Variants in COIL observed in about 807,000 individuals in gnomAD.
The protein encoded by COIL is coilin p80.
Under a neutral mutation model 51.6 loss-of-function variants are expected in COIL, and 28 were observed. The ratio of observed to expected loss-of-function variants is 0.54; its 90% CI spans 0.40 to 0.74. The LOEUF is 0.74. Ranked by LOEUF, COIL falls within the 30% of genes least tolerant of loss-of-function variation. The pLI is 0.00. For missense variants in COIL, 667 were observed against 685.9 expected (o/e 0.97, Z 0.31); for synonymous variants, 233 against 255.8 (o/e 0.91, Z 0.85).
chr17:56,953,194 A>G (rs11079265), intron 1 of COIL, among the ~76,000 whole-genome samples: 53,570 of 151,346 alleles, frequency 0.35, 10,786 homozygotes, highest in East Asian at 0.67. Context: ...GGTGGATCAC[A>G]AGGTCAGGAG....
chr17:56,941,649 G>A (rs1209292042), intron 6 of COIL, among the ~76,000 whole-genome samples: 1 of 152,146 alleles, frequency 6.6e-6, no homozygotes, highest in African/African-American at 2.4e-5. Flanking sequence ...TTCTGGGAGT[G>A]GGTGTTATGT....
At chr17:56,949,826 C>G in intron 2 of COIL, 59 bp from the exon 3 acceptor site, 1 of 1,611,214 alleles carries the variant, frequency 6.2e-7, no homozygotes. Context: ...GAATCCATGA[C>G]ATGAACTCCA....
At chr17:56,952,730 C>T (rs1054603547) in intron 1 of COIL, among the ~76,000 whole-genome samples, 1 of 152,140 alleles carries the variant, frequency 6.6e-6, no homozygotes, top group African/African-American at 2.4e-5. Flanking sequence ...TAGGACTTCT[C>T]AATCTCCACA....
intron 1 of COIL, among the ~76,000 whole-genome samples, chr17:56,958,755 T>C (rs1383253984): frequency 6.6e-6 from 1 of 152,114 alleles, no homozygotes; most frequent in African/African-American, 2.4e-5. Context: ...ATCCTTGAAT[T>C]GCAGAGAGAA....
In COIL at chr17:56,950,576, A is replaced by G; in HGVS notation, c.666T>C (p.Ser222=). The G allele has an allele frequency of 6.2e-7, 1 of 1,614,246 alleles. No individual in the cohort carries two copies. The highest frequency in any genetic ancestry group is 8.5e-7 in the Non-Finnish European group (1 of 1,180,048). Residue 222 remains serine, a synonymous_variant, in exon 2 of 7, where the codon TCT becomes TCC. Transcript: ENST00000240316. ...ANQRCSSPKG[S]ARNSLVKAKR... ...TGGCTTTAACAAGGCTGTTTCTAGCAGAACCTTTTGGAGAACTACATCTCT... is the reference window on the plus strand; with the variant it reads ...TGGCTTTAACAAGGCTGTTTCTAGCGGAACCTTTTGGAGAACTACATCTCT...
intron 1 of COIL, chr17:56,952,336 G>A (rs1910388836): frequency 6.7e-6 from 3 of 446,822 alleles, no homozygotes; most frequent in African/African-American, 2.0e-5. Flanking sequence ...AACCTCGGCT[G>A]GCATCATAGA....
chr17:56,952,487 A>C (rs1247122868), intron 1 of COIL: 1 of 309,686 alleles, frequency 3.2e-6, no homozygotes, highest in Non-Finnish European at 6.2e-6. Flanking sequence ...TTTCTGGATG[A>C]GATTAACATT....
rs536377817 is a variant in COIL, at chr17:56,959,083, G to A, written c.245+1692C>T. 5.6e-4 allele frequency among the ~76,000 whole-genome samples: 85 copies of A among 152,200 alleles called. 1 individual carries two copies. In the East Asian group the frequency reaches 9.1e-3, roughly 16 times the overall value. ...AAGGAAGGCTGGCACAGTGGCTTAC[G>A]CCTGTAATCCCAGTGCTTTGGGGGG... On this transcript the variant is annotated intron_variant, in intron 1 of 6. Coordinates refer to ENST00000240316, the MANE Select transcript of COIL (RefSeq NM_004645.3).
chr17:56,960,700 C>T, intron 1 of COIL, 75 bp downstream of exon 1: 2 of 1,073,664 alleles, frequency 1.9e-6, no homozygotes, highest in East Asian at 3.7e-5. Context: ...GGTCTAGCGG[C>T]TTCAGGCCCG....
intron 1 of COIL, among the ~76,000 whole-genome samples, chr17:56,956,891 G>A (rs1451261960): frequency 2.6e-5 from 4 of 152,158 alleles, no homozygotes; most frequent in African/African-American, 9.7e-5. Context: ...ATGGCGCCCA[G>A]CCTTCATCAA....
rs756015736 is a variant in COIL at position 56,946,398 on chromosome 17, G to A, written c.1558+44C>T. 5.2e-6 allele frequency: 7 copies of A among 1,341,340 alleles called. No individual in the cohort carries two copies. The African/African-American group carries it at 7.3e-5, about 14-fold the overall frequency. The allele number at this position is 1,341,340 out of a possible 1,614,324, so 83.1% of individuals were successfully genotyped here. A position where few individuals can be genotyped will look rare whatever the true frequency, so the allele number is the denominator to read the frequency against. On this transcript the variant is annotated intron_variant, in intron 5 of 6. Transcript: ENST00000240316. ...GTATAAAAGCTATTTATAAACCACTGTAGATAGAGCCTACATTTTCAAATT... is the reference window on the plus strand; with the variant it reads ...GTATAAAAGCTATTTATAAACCACTATAGATAGAGCCTACATTTTCAAATT...
chr17:56,941,501 T>C (rs890417580), intron 6 of COIL, among the ~76,000 whole-genome samples: 1 of 152,038 alleles, frequency 6.6e-6, no homozygotes, highest in Non-Finnish European at 1.5e-5. Flanking sequence ...ACCTGAGAGG[T>C]GGAGGTTGCA....
In COIL at chr17:56,960,782, A is replaced by G; in HGVS notation, c.238T>C (p.Cys80Arg). The change falls in exon 1 of 7, where the codon TGC (cysteine) becomes CGC (arginine). Residue 80 changes from cysteine to arginine, a missense_variant. Transcript: ENST00000240316. ...GCTCCCTGCGCCGCGCACCTGAGGC[A>G]GTCGTTGTCTCTCACAAGGCGCGCG... Reference protein sequence around the residue: ...ESARLVRDNDCLRVKLEERGV... With the variant: ...ESARLVRDNDRLRVKLEERGV... 6.4e-7 allele frequency: 1 copy of G among 1,566,300 alleles called. No homozygotes were observed. The highest frequency in any genetic ancestry group is 8.6e-7 in the Non-Finnish European group (1 of 1,156,792).
intron 4 of COIL, among the ~76,000 whole-genome samples, chr17:56,948,275 C>T (rs1910288724): frequency 6.6e-6 from 1 of 151,574 alleles, no homozygotes; most frequent in African/African-American, 2.4e-5. Context: ...GCTGGGACTA[C>T]AGGCACCCGC....
intron 5 of COIL, among the ~76,000 whole-genome samples, chr17:56,944,125 C>A: frequency 6.6e-6 from 1 of 152,194 alleles, no homozygotes. Flanking sequence ...CCTTCGCCCC[C>A]GAAGCCATTT....
Position 56,950,196 on chromosome 17 carries a change from C to A in COIL, c.1046G>T (p.Gly349Val), listed in dbSNP as rs748299309. ...CAGCCCTGGGCCTGGACGACCTCTT[C>A]CTGCAAAAAGGCCTACTGTCTTTAA... Reference protein sequence around the residue: ...GFLKTVGLFAGRGRPGPGLSS... With the variant: ...GFLKTVGLFAVRGRPGPGLSS... Residue 349 changes from glycine (G) to valine (V), a missense_variant, in exon 2 of 7, where the codon GGA (glycine) becomes GTA (valine). By Grantham distance (109) the Gly-to-Val change is moderately radical (BLOSUM62 -3). Coordinates refer to ENST00000240316, the MANE Select transcript of COIL (RefSeq NM_004645.3). The A allele has an allele frequency of 3.1e-6, 5 of 1,614,170 alleles. No homozygotes were observed. In the South Asian group the frequency reaches 5.5e-5, roughly 18 times the overall value.
intron 1 of COIL, among the ~76,000 whole-genome samples, chr17:56,960,081 G>A (rs562027805): frequency 6.6e-6 from 1 of 152,222 alleles, no homozygotes; most frequent in South Asian, 2.1e-4. Flanking sequence ...AAAATTAGCC[G>A]GGCATGGTGG....
At chr17:56,955,115 A>T (rs1351538161) in intron 1 of COIL, among the ~76,000 whole-genome samples, 1 of 152,138 alleles carries the variant, frequency 6.6e-6, no homozygotes, top group African/African-American at 2.4e-5. Flanking sequence ...CCCAGGCTGG[A>T]CTGCAGTGGC....
At chr17:56,953,187 G>C (rs556941788) in intron 1 of COIL, among the ~76,000 whole-genome samples, 1 of 151,700 alleles carries the variant, frequency 6.6e-6, no homozygotes, top group Non-Finnish European at 1.5e-5. Flanking sequence ...CAAGGTGGGT[G>C]GATCACAAGG....
Sources: allele counts gnomAD v4.1 joint callset (sites outside exome capture counted in the v4.1 genomes callset), GRCh38; gene constraint gnomAD v4.1.1; transcripts MANE v1.5; gene names NCBI Gene and HGNC (gene_info 2026-07-23, HGNC 2026-07-21).